The following CDH18 variants were observed in gnomAD, a reference collection of about 807,000 sequenced individuals.
The protein encoded by CDH18 is cadherin 18, also known as cadherin-18.
A neutral mutation model predicts 67.9 loss-of-function variants in CDH18; 31 were observed. The ratio of observed to expected loss-of-function variants is 0.46; its 90% CI spans 0.34 to 0.62. The LOEUF (loss-of-function observed/expected upper bound fraction) is 0.62. Ranked by LOEUF, CDH18 falls within the 20% of genes least tolerant of loss-of-function variation. The pLI, the probability that CDH18 is intolerant of heterozygous loss-of-function variation, is 0.01. For missense variants in CDH18, 890 were observed against 975.5 expected (o/e 0.91, Z 1.17); for synonymous variants, 362 against 347.2 (o/e 1.04, Z -0.48).
intron 8 of CDH18, among the ~76,000 whole-genome samples, chr5:19,548,632 C>G (rs555189243): frequency 6.6e-6 from 1 of 151,968 alleles, no homozygotes; most frequent in South Asian, 2.1e-4. Context: ...AGTACTATTA[C>G]TAGCTCCCTT....
chr5:19,849,600 A>G (rs1392524642), intron 2 of CDH18, among the ~76,000 whole-genome samples: 1 of 89,888 alleles, frequency 1.1e-5, no homozygotes, highest in African/African-American at 3.0e-5. Context: ...ATATATAAAC[A>G]TATATATACA....
intron 5 of CDH18, among the ~76,000 whole-genome samples, chr5:19,683,758 G>T (rs577196815): frequency 2.6e-5 from 4 of 152,182 alleles, no homozygotes; most frequent in Non-Finnish European, 5.9e-5. Context: ...ATCTGTAAGA[G>T]CTTTCCAATA....
intron 10 of CDH18, among the ~76,000 whole-genome samples, chr5:19,520,035 T>A (rs977388621): frequency 6.6e-6 from 1 of 152,186 alleles, no homozygotes; most frequent in East Asian, 1.9e-4. Context: ...TAATTTCTTA[T>A]ACAGCAGAAA....
At chr5:20,025,341 G>T (rs1057320746) in intron 2 of CDH18, among the ~76,000 whole-genome samples, 8 of 152,058 alleles carry the variant, frequency 5.3e-5, no homozygotes, top group African/African-American at 1.9e-4. Flanking sequence ...GATATATGGA[G>T]AATTAATTTA....
intron 1 of CDH18, among the ~76,000 whole-genome samples, chr5:20,464,409 A>T (rs10061119): frequency 0.79 from 119,517 of 151,982 alleles, 47,232 homozygotes; most frequent in Admixed American, 0.86. Context: ...CAATGATTAG[A>T]GTTCTTGGAA....
chr5:20,213,085 T>G (rs1345649061), intron 2 of CDH18, among the ~76,000 whole-genome samples: 1 of 152,172 alleles, frequency 6.6e-6, no homozygotes, highest in Non-Finnish European at 1.5e-5. Context: ...CTCATTAAGC[T>G]TAATCACTTC....
intron 2 of CDH18, among the ~76,000 whole-genome samples, chr5:20,178,618 A>G (rs1463897655): frequency 6.6e-6 from 1 of 151,222 alleles, no homozygotes; most frequent in Non-Finnish European, 1.5e-5. Flanking sequence ...TAAAGTAATA[A>G]GTGTCCTGCT....
chr5:20,305,191 A>C, intron 1 of CDH18: 2 of 1,414,832 alleles, frequency 1.4e-6, no homozygotes, highest in Non-Finnish European at 2.0e-6. Flanking sequence ...TCCATTCGAC[A>C]GTCCTTCCAA....
At chr5:20,045,092 C>T (rs1041562286) in intron 2 of CDH18, among the ~76,000 whole-genome samples, 3 of 152,072 alleles carry the variant, frequency 2.0e-5, no homozygotes, top group African/African-American at 7.2e-5. Flanking sequence ...AACATTTGTA[C>T]CATAATACTT....
At chr5:20,350,881 A>G (rs1258392960) in intron 1 of CDH18, among the ~76,000 whole-genome samples, 1 of 152,100 alleles carries the variant, frequency 6.6e-6, no homozygotes, top group Non-Finnish European at 1.5e-5. Context: ...TGAAAATTTT[A>G]GTTTCTTCAT....
intron 1 of CDH18, among the ~76,000 whole-genome samples, chr5:20,391,829 C>T (rs1422838405): frequency 1.3e-5 from 2 of 152,024 alleles, no homozygotes; most frequent in East Asian, 3.9e-4. Flanking sequence ...TTTTTATACC[C>T]AATCTCCATT....
intron 2 of CDH18, among the ~76,000 whole-genome samples, chr5:19,997,906 T>C (rs1736138154): frequency 1.3e-5 from 2 of 152,126 alleles, no homozygotes; most frequent in African/African-American, 4.8e-5. Flanking sequence ...TAAAGAGATA[T>C]TACTCTAAAA....
At chr5:20,388,414 T>A (rs1744509741) in intron 1 of CDH18, among the ~76,000 whole-genome samples, 1 of 146,134 alleles carries the variant, frequency 6.8e-6, no homozygotes, top group Admixed American at 6.7e-5. Flanking sequence ...GGTGGTGATA[T>A]CCCCTTTATC....
intron 2 of CDH18, among the ~76,000 whole-genome samples, chr5:19,860,146 T>C (rs970736298): frequency 6.6e-6 from 1 of 152,220 alleles, no homozygotes. Flanking sequence ...ATTCCAACCA[T>C]TGGCAATTTA....
At chr5:20,104,280 T>C (rs1224088955) in intron 2 of CDH18, among the ~76,000 whole-genome samples, 3 of 152,112 alleles carry the variant, frequency 2.0e-5, no homozygotes, top group Non-Finnish European at 2.9e-5. Context: ...ACAAATGTCA[T>C]ACATAAATTC....
At chr5:19,540,298 G>T (rs1750052197) in intron 9 of CDH18, among the ~76,000 whole-genome samples, 1 of 152,088 alleles carries the variant, frequency 6.6e-6, no homozygotes, top group Non-Finnish European at 1.5e-5. Context: ...CACCCCTGTG[G>T]CTTTGCAGGG....
At chr5:20,323,498 A>C (rs1645901139) in intron 1 of CDH18, among the ~76,000 whole-genome samples, 1 of 152,200 alleles carries the variant, frequency 6.6e-6, no homozygotes, top group South Asian at 2.1e-4. Flanking sequence ...CTTTTATCAG[A>C]AGTACTGTTT....
intron 2 of CDH18, among the ~76,000 whole-genome samples, chr5:19,929,241 C>T (rs890873054): frequency 6.6e-6 from 1 of 152,024 alleles, no homozygotes; most frequent in African/African-American, 2.4e-5. Flanking sequence ...TTAGACAACA[C>T]AAAAGACAGG....
chr5:20,501,590 TA>T (rs1479329135), intron 1 of CDH18, among the ~76,000 whole-genome samples: 18 of 15,212 alleles, frequency 1.2e-3, no homozygotes, highest in African/African-American at 2.6e-3. Context: ...ATTATATATA[TA>T]TATTATATAT....
Sources: allele counts gnomAD v4.1 joint callset (sites outside exome capture counted in the v4.1 genomes callset), GRCh38; gene constraint gnomAD v4.1.1; transcripts MANE v1.5; gene names NCBI Gene and HGNC (gene_info 2026-07-23, HGNC 2026-07-21).